The following DSCAM variants were observed in gnomAD, a reference collection of about 807,000 sequenced individuals.
DSCAM encodes cell adhesion molecule DSCAM.
In DSCAM, 47 loss-of-function variants were observed where a neutral mutation model predicts 217.7. The observed-to-expected ratio is 0.22, with a 90% CI of 0.17 to 0.28. The LOEUF is 0.28. Among genes scored for constraint, DSCAM ranks in the 10% least tolerant of loss-of-function variants. The pLI, the probability that DSCAM is intolerant of heterozygous loss-of-function variation, is 1.00. For missense variants in DSCAM, 2,080 were observed against 2,618.3 expected, an observed-to-expected ratio of 0.79 and a Z score of 4.49; for synonymous variants, 1,056 against 1,015.3, an observed-to-expected ratio of 1.04 and a Z score of -0.76.
At chr21:40,527,984 C>T (rs1470547816) in intron 3 of DSCAM, among the ~76,000 whole-genome samples, 1 of 152,186 alleles carries the variant, frequency 6.6e-6, no homozygotes, top group African/African-American at 2.4e-5. Flanking sequence ...GGTCTGGCTG[C>T]CATCCATCAT....
chr21:40,623,933 C>T (rs1455734792), intron 3 of DSCAM, among the ~76,000 whole-genome samples: 2 of 152,128 alleles, frequency 1.3e-5, no homozygotes, highest in Non-Finnish European at 2.9e-5. Context: ...AAGGGAGGGG[C>T]CCCTTTCAGA....
intron 3 of DSCAM, among the ~76,000 whole-genome samples, chr21:40,398,061 G>A (rs2037119963): frequency 6.6e-6 from 1 of 152,136 alleles, no homozygotes; most frequent in African/African-American, 2.4e-5. Context: ...AGGCTGTGCT[G>A]CACACAGTAC....
chr21:40,522,562 G>A (rs1382460331), intron 3 of DSCAM, among the ~76,000 whole-genome samples: 1 of 152,174 alleles, frequency 6.6e-6, no homozygotes, highest in East Asian at 1.9e-4. Context: ...AGTTTCAAAA[G>A]TGGAGAGTTC....
intron 3 of DSCAM, among the ~76,000 whole-genome samples, chr21:40,421,274 C>T (rs1261769805): frequency 6.6e-6 from 1 of 152,154 alleles, no homozygotes; most frequent in Admixed American, 6.5e-5. Context: ...GACGTTAGAA[C>T]CTGAACACGC....
chr21:40,097,959 AAAG>A (rs1568939007), intron 20 of DSCAM, among the ~76,000 whole-genome samples: 42 of 26,536 alleles, frequency 1.6e-3, no homozygotes, highest in African/African-American at 0.01. Context: ...AAAAAAAAAG[AAAG>A]AAAGAAAGAA....
chr21:40,161,317 T>C lies in DSCAM; in HGVS notation c.3018+5901A>G, dbSNP rs1053918981. Among the ~76,000 whole-genome samples the C allele has an allele frequency of 5.9e-5, 9 of 152,114 alleles. No homozygotes were observed. The East Asian group carries it at 9.7e-4, about 16-fold the overall frequency. ...CAGAATACATTCCAAATGGTATAAA[T>C]AAACACCATGGCTTCATTAAAGAAA... On this transcript the variant is annotated intron_variant, in intron 16 of 32. Transcript: ENST00000400454.
intron 3 of DSCAM, among the ~76,000 whole-genome samples, chr21:40,586,379 A>C (rs751679756): frequency 3.3e-5 from 5 of 152,200 alleles, no homozygotes; most frequent in Non-Finnish European, 5.9e-5. Context: ...CTAACACAGA[A>C]AATCTTGTTT....
At chr21:40,264,508 C>A (rs1186688653) in intron 11 of DSCAM, among the ~76,000 whole-genome samples, 1 of 152,014 alleles carries the variant, frequency 6.6e-6, no homozygotes, top group Non-Finnish European at 1.5e-5. Flanking sequence ...ATCTAATATC[C>A]CTTTATGATA....
intron 3 of DSCAM, among the ~76,000 whole-genome samples, chr21:40,443,124 G>A (rs187544136): frequency 6.6e-6 from 1 of 152,290 alleles, no homozygotes; most frequent in Admixed American, 6.5e-5. Context: ...ATCTATATTA[G>A]TGACAGGAAG....
intron 1 of DSCAM, among the ~76,000 whole-genome samples, chr21:40,709,261 C>G (rs191480709): frequency 1.2e-3 from 183 of 152,270 alleles, no homozygotes; most frequent in African/African-American, 4.4e-3. Context: ...TCAAATTGCT[C>G]TCTTTACTAG....
chr21:40,657,076 C>T (rs551507275), intron 3 of DSCAM, among the ~76,000 whole-genome samples: 12 of 152,136 alleles, frequency 7.9e-5, no homozygotes, highest in Non-Finnish European at 1.8e-4. Flanking sequence ...TTCAGATTCC[C>T]CATTATAGAA....
rs201168422 is a variant in DSCAM, at chr21:40,281,714, A to AT, written c.2183-5445dup. Among the ~76,000 whole-genome samples, 674 of 151,716 alleles carry AT rather than the reference A, an allele frequency of 4.4e-3. 12 individuals carry two copies. The highest frequency in any genetic ancestry group is 0.03 in the East Asian group (154 of 5,156). On this transcript the variant is annotated intron_variant, in intron 10 of 32. Coordinates refer to ENST00000400454, the MANE Select transcript of DSCAM (RefSeq NM_001389.5). Reference sequence around the variant, plus strand: ...TATTTTAATTTGCACATTTTGGCGGATTTTTTTTGTATTTTTGTTTGTTTC... The same window carrying AT: ...TATTTTAATTTGCACATTTTGGCGGATTTTTTTTTGTATTTTTGTTTGTTTC...
intron 3 of DSCAM, among the ~76,000 whole-genome samples, chr21:40,437,047 T>A (rs1281061398): frequency 2.6e-5 from 4 of 152,172 alleles, no homozygotes; most frequent in Non-Finnish European, 4.4e-5. Context: ...TATAATCAGA[T>A]GTGGTGGCTG....
intron 1 of DSCAM, among the ~76,000 whole-genome samples, chr21:40,806,734 G>C (rs2123522315): frequency 6.6e-6 from 1 of 152,266 alleles, no homozygotes; most frequent in East Asian, 1.9e-4. Flanking sequence ...TGATAGACTG[G>C]ATAAAGAAAA....
At chr21:40,381,684 C>G (rs561250966) in intron 3 of DSCAM, among the ~76,000 whole-genome samples, 3 of 152,240 alleles carry the variant, frequency 2.0e-5, no homozygotes, top group Admixed American at 2.0e-4. Flanking sequence ...GGGAAAGAAT[C>G]TGGAAAAATA....
chr21:40,022,361 A>G (rs181457895), intron 32 of DSCAM, among the ~76,000 whole-genome samples: 1 of 152,374 alleles, frequency 6.6e-6, no homozygotes, highest in East Asian at 1.9e-4. Flanking sequence ...ATCTGGCTTC[A>G]AATACTAACG....
chr21:40,703,953 C>G (rs182250852), intron 2 of DSCAM, among the ~76,000 whole-genome samples: 177 of 152,156 alleles, frequency 1.2e-3, no homozygotes, highest in Admixed American at 2.4e-3. Context: ...CCATATTCTC[C>G]CTCTTGCCAC....
intron 8 of DSCAM, among the ~76,000 whole-genome samples, chr21:40,327,300 T>C (rs1445416892): frequency 2.0e-5 from 3 of 152,304 alleles, no homozygotes; most frequent in Non-Finnish European, 4.4e-5. Context: ...CTTCTCTAAG[T>C]TTCCCATGTT....
At position 40,078,841 on chromosome 21, in the gene DSCAM, T is replaced by A. The variant is rs1392922223; in HGVS notation, c.4557A>T (p.Thr1519=). 1 of 1,614,098 alleles carries A rather than the reference T, an allele frequency of 6.2e-7. No individual in the cohort carries two copies. Among genetic ancestry groups the A allele is most frequent in the African/African-American group, 1.3e-5 (1 of 74,936 alleles). The stretch of plus-strand genomic sequence containing the variant: ...AGGTCCTCTGAGCTGTGGTCCAAAC[T>A]GTGGTCCCAAAGGGCCTGTACTCTA... ...FTLEYRPFGT[T]VWTTAQRTSL... The change falls in exon 26 of 33, where the codon ACA becomes ACT. Residue 1519 remains threonine, a synonymous_variant. Coordinates refer to ENST00000400454, the MANE Select transcript of DSCAM (RefSeq NM_001389.5).
Sources: allele counts gnomAD v4.1 joint callset (sites outside exome capture counted in the v4.1 genomes callset), GRCh38; gene constraint gnomAD v4.1.1; transcripts MANE v1.5; gene names NCBI Gene and HGNC (gene_info 2026-07-23, HGNC 2026-07-21).